INPP5D: variants seen among roughly 807,000 people sequenced by gnomAD.
INPP5D encodes the protein phosphatidylinositol 3,4,5-trisphosphate 5-phosphatase 1.
A neutral mutation model predicts 122.9 loss-of-function variants in INPP5D; 33 were observed. That is an observed-to-expected ratio of 0.27 (90% CI 0.20 to 0.36). INPP5D has a LOEUF of 0.36. Ranked by LOEUF, INPP5D falls within the 10% of genes least tolerant of loss-of-function variation. The probability of loss-of-function intolerance (pLI) is 1.00; values close to 1 mark genes in which losing one functional copy is unlikely to be tolerated. For synonymous variants in INPP5D, 584 were observed against 576.2 expected (o/e 1.01, Z -0.19); for missense variants, 1,053 against 1,412.7 (o/e 0.75, Z 4.08).
chr2:233,060,407 C>T lies in INPP5D; in HGVS notation c.-72C>T. 1 of 1,481,002 alleles carries T rather than the reference C, an allele frequency of 6.8e-7. No individual in the cohort carries two copies. Among genetic ancestry groups the T allele is most frequent in the Non-Finnish European group, 9.1e-7 (1 of 1,101,678 alleles). The allele number at this position is 1,481,002 out of a possible 1,614,324, so 91.7% of individuals were successfully genotyped here. ...CGGGCGGCAGGTTGCAGTGGAGGGG[C>T]CTCCGCTCCCCTCGGTGGTGTGTGG... On this transcript the variant is annotated 5_prime_UTR_variant, in exon 1 of 27. Coordinates refer to ENST00000445964, the MANE Select transcript of INPP5D (RefSeq NM_001017915.3).
chr2:233,173,250 G>A (rs907817670), intron 17 of INPP5D, among the ~76,000 whole-genome samples: 5 of 151,650 alleles, frequency 3.3e-5, no homozygotes, highest in Non-Finnish European at 7.4e-5. Flanking sequence ...CCTGTATAGG[G>A]CACTTACCAT....
intron 2 of INPP5D, among the ~76,000 whole-genome samples, chr2:233,106,103 C>A (rs964169284): frequency 2.6e-5 from 4 of 152,162 alleles, no homozygotes; most frequent in Admixed American, 6.5e-5. Flanking sequence ...AAGAGGAAGA[C>A]CCCGGGGGAA....
Position 233,206,631 on chromosome 2 carries a change from A to G in INPP5D, c.3568-75A>G. ...AAGCCTGGCCTAGCCCACAGCATGC[A>G]GGGACCTGGGCCACTTAGTTCAACA... On this transcript the variant is annotated intron_variant, in intron 26 of 26. Coordinates refer to ENST00000445964, the MANE Select transcript of INPP5D (RefSeq NM_001017915.3). The surrounding 1 kb of genome is among the most constrained non-coding windows in gnomAD (Gnocchi z 4.0). 1.4e-6 allele frequency: 1 copy of G among 734,110 alleles called. No homozygotes were observed. The highest frequency in any genetic ancestry group is 1.5e-5 in the South Asian group (1 of 68,588). 45.5% of individuals were successfully genotyped at this position (734,110 alleles called of 1,614,324 possible).
chr2:233,064,203 G>A (rs964613927), intron 1 of INPP5D, among the ~76,000 whole-genome samples: 5 of 152,256 alleles, frequency 3.3e-5, no homozygotes, highest in African/African-American at 9.6e-5. Flanking sequence ...CTGGAGTTGC[G>A]CAGGAGGGCG....
At chr2:233,072,894 G>A (rs1056914795) in intron 1 of INPP5D, among the ~76,000 whole-genome samples, 1 of 152,240 alleles carries the variant, frequency 6.6e-6, no homozygotes, top group Admixed American at 6.5e-5. Context: ...GACAGGAATG[G>A]CAAGGCAGCC....
chr2:233,163,814 G>A lies in INPP5D; in HGVS notation c.1348G>A (p.Gly450Ser), dbSNP rs750010950. 1.9e-6 allele frequency: 3 copies of A among 1,613,868 alleles called. No homozygotes were observed. The highest frequency in any genetic ancestry group is 1.7e-5 in the Admixed American group (1 of 60,022). ...DYIPHDIYVI[G>S]TQEDPLSEKE... ...CATCCCCCATGACATTTACGTGATC[G>A]GCACCCAAGAGGACCCCCTGAGTGA... The change falls in exon 12 of 27, where the codon GGC becomes AGC. Residue 450 changes from glycine to serine, a missense_variant. This residue lies in a region of INPP5D where 105 missense variants were observed against 199.8 expected (regional missense o/e 0.53). Transcript: ENST00000445964.
chr2:233,098,209 C>T (rs1692202044), intron 2 of INPP5D, among the ~76,000 whole-genome samples: 2 of 152,044 alleles, frequency 1.3e-5, no homozygotes, highest in South Asian at 2.1e-4. Context: ...GTCTCACTTC[C>T]GATTTCCAAG....
chr2:233,198,493 C>T (rs1372879901), intron 25 of INPP5D, 117 bp downstream of exon 25: 2 of 1,432,518 alleles, frequency 1.4e-6, no homozygotes, highest in Non-Finnish European at 1.8e-6. Flanking sequence ...CCACTTGGCT[C>T]ATGACTTATC....
chr2:233,097,836 G>A (rs770674005), intron 2 of INPP5D, among the ~76,000 whole-genome samples: 13 of 151,944 alleles, frequency 8.6e-5, no homozygotes, highest in Non-Finnish European at 1.6e-4. Context: ...TGCTGGCTGG[G>A]ACCCGCCGTG....
chr2:233,119,022 A>G (rs1692889088), intron 2 of INPP5D, among the ~76,000 whole-genome samples: 1 of 152,204 alleles, frequency 6.6e-6, no homozygotes, highest in Non-Finnish European at 1.5e-5. Flanking sequence ...ATATGTCATC[A>G]AGTCTAAGAT....
intron 22 of INPP5D, 67 bp downstream of exon 22, chr2:233,190,004 C>A: frequency 6.3e-7 from 1 of 1,579,900 alleles, no homozygotes; most frequent in Non-Finnish European, 8.6e-7. Flanking sequence ...GCATTGCCTT[C>A]AGGGGAGCTC....
intron 18 of INPP5D, among the ~76,000 whole-genome samples, chr2:233,178,893 C>T (rs1694715199): frequency 6.6e-6 from 1 of 152,168 alleles, no homozygotes; most frequent in Non-Finnish European, 1.5e-5. Flanking sequence ...GCCCGCTGGC[C>T]ACCTTTGTGG....
At chr2:233,099,601 A>G (rs991948242) in intron 2 of INPP5D, among the ~76,000 whole-genome samples, 17 of 152,248 alleles carry the variant, frequency 1.1e-4, no homozygotes, top group African/African-American at 3.9e-4. Flanking sequence ...AAAGATCACA[A>G]TCTGGTGGCC....
chr2:233,142,549 C>CCAAA (rs1693654906), intron 6 of INPP5D, among the ~76,000 whole-genome samples: 1 of 152,096 alleles, frequency 6.6e-6, no homozygotes, highest in Non-Finnish European at 1.5e-5. Context: ...CTGGGGACAC[C>CCAAA]CAAACCCCTG....
chr2:233,134,582 A>G (rs967798652), intron 5 of INPP5D, among the ~76,000 whole-genome samples: 7 of 152,138 alleles, frequency 4.6e-5, no homozygotes, highest in Non-Finnish European at 8.8e-5. Flanking sequence ...ATCTCTTTGC[A>G]GTACAAAGCA....
chr2:233,098,535 T>C (rs1439291835), intron 2 of INPP5D, among the ~76,000 whole-genome samples: 1 of 152,196 alleles, frequency 6.6e-6, no homozygotes, highest in Non-Finnish European at 1.5e-5. Context: ...ATCGGCCTCC[T>C]ATAAAATCCA....
At chr2:233,085,051 C>T (rs1045479744) in intron 2 of INPP5D, among the ~76,000 whole-genome samples, 6 of 152,126 alleles carry the variant, frequency 3.9e-5, no homozygotes, top group South Asian at 2.1e-4. Flanking sequence ...ACCAACTGTT[C>T]GCTCAAAATC....
chr2:233,186,148 G>A (rs1694908799), intron 21 of INPP5D, among the ~76,000 whole-genome samples: 1 of 152,176 alleles, frequency 6.6e-6, no homozygotes, highest in Non-Finnish European at 1.5e-5. Context: ...AATGGTTTCA[G>A]TTCCCCTAAA....
At position 233,082,038 on chromosome 2, in the gene INPP5D, C is replaced by A. The variant is rs1416999525; in HGVS notation, c.198+2640C>A. 6.6e-6 allele frequency among the ~76,000 whole-genome samples: 1 copy of A among 152,106 alleles called. No individual in the cohort carries two copies. The highest frequency in any genetic ancestry group is 2.4e-5 in the African/African-American group (1 of 41,422). ...GTCTCCGCTTAGCCAGGACAGTGGG[C>A]GGGCAGCTTTCAGAGAAGATGGGCG... On this transcript the variant is annotated intron_variant, in intron 2 of 26. Coordinates refer to ENST00000445964, the MANE Select transcript of INPP5D (RefSeq NM_001017915.3). The surrounding 1 kb of genome is among the most constrained non-coding windows in gnomAD (Gnocchi z 4.7).
Sources: gnomAD v4.1 joint callset for allele counts (sites outside exome capture counted in the v4.1 genomes callset) on GRCh38, gnomAD v4.1.1 for gene constraint, gnomAD v4.1.1 regional missense constraint, Gnocchi (gnomAD v3.1) non-coding constraint, MANE v1.5 for transcripts, NCBI Gene and HGNC (gene_info 2026-07-23, HGNC 2026-07-21) for gene names.